The following E2F7 variants were observed in gnomAD, a reference collection of about 807,000 sequenced individuals.
E2F7 encodes E2F transcription factor 7, also known as transcription factor E2F7.
In E2F7, 35 loss-of-function variants were observed where a neutral mutation model predicts 81.1. The observed-to-expected ratio is 0.43, with a 90% CI of 0.33 to 0.57. The LOEUF (loss-of-function observed/expected upper bound fraction) is 0.57, where lower values mean the gene tolerates loss of function less well. Ranked by LOEUF, E2F7 falls within the 20% of genes least tolerant of loss-of-function variation. The pLI is 0.04. For synonymous variants in E2F7, 416 were observed against 416.2 expected, an observed-to-expected ratio of 1.00 and a Z score of 0.01; for missense variants, 961 against 1,093.7, an observed-to-expected ratio of 0.88 and a Z score of 1.71.
At chr12:77,032,985 A>G (rs1954818154) in intron 9 of E2F7, 65 bp downstream of exon 9, 4 of 1,503,566 alleles carry the variant, frequency 2.7e-6, no homozygotes, top group Non-Finnish European at 3.6e-6. Flanking sequence ...TGGCACTGCA[A>G]TTTAGTCAAA....
Position 77,024,071 on chromosome 12 carries a change from G to A in E2F7, c.2680C>T (p.Arg894Ter). ...CTCCTCTGGGCCGAGCTGGTGTTTC[G>A]TGACTGGTTCCTTTCTCTTCTCTTC... ...VLKRRERNQS[R>*]NTSSAQRRLE... Residue 894 changes from arginine to a stop codon, truncating the protein, a stop_gained, in exon 13 of 13, where the codon CGA (arginine) becomes TGA (stop). Coordinates refer to ENST00000322886, the MANE Select transcript of E2F7 (RefSeq NM_203394.3). LOFTEE classifies it high-confidence loss of function. 6.2e-7 allele frequency: 1 copy of A among 1,614,016 alleles called. No individual in the cohort carries two copies. Among genetic ancestry groups the A allele is most frequent in the Non-Finnish European group, 8.5e-7 (1 of 1,179,996 alleles).
chr12:77,029,996 C>T lies in E2F7; in HGVS notation c.1719G>A (p.Arg573=), dbSNP rs1762425797. 1 of 1,614,120 alleles carries T rather than the reference C, an allele frequency of 6.2e-7. No individual in the cohort carries two copies. Residue 573 remains arginine (R), a synonymous_variant, in exon 10 of 13, where the codon AGG becomes AGA. Coordinates refer to ENST00000322886, the MANE Select transcript of E2F7 (RefSeq NM_203394.3). ...CTGGGGCTTCTGAGCTTCTGTCATC[C>T]CTCTCTGACCCTGACCCTGACGCTG... is the stretch of plus-strand genomic sequence containing the variant. ...EGPASGSGSE[R]DDRSSEAPAT...
intron 7 of E2F7, among the ~76,000 whole-genome samples, chr12:77,035,993 A>AGAAACAGTAC (rs59970691): frequency 6.6e-6 from 1 of 151,098 alleles, no homozygotes; most frequent in African/African-American, 2.4e-5. Flanking sequence ...ATAAATGAAT[A>AGAAACAGTAC]AATAAATGAA....
intron 6 of E2F7, chr12:77,044,242 T>C (rs1385367546): frequency 2.2e-6 from 1 of 456,770 alleles, no homozygotes; most frequent in Non-Finnish European, 4.4e-6. Context: ...CTTCTGGTTC[T>C]TACCTGTAGA....
At chr12:77,046,677 AAC>A (rs1491220665) in intron 4 of E2F7, among the ~76,000 whole-genome samples, 14 of 152,242 alleles carry the variant, frequency 9.2e-5, no homozygotes, top group African/African-American at 3.1e-4. Flanking sequence ...CAATACATGT[AAC>A]AGTGTGCCTA....
intron 2 of E2F7, among the ~76,000 whole-genome samples, chr12:77,057,206 T>C (rs998373996): frequency 1.3e-5 from 2 of 151,568 alleles, no homozygotes; most frequent in Non-Finnish European, 2.9e-5. Flanking sequence ...GTGGTGTGCA[T>C]ACTACAGTGG....
chr12:77,058,939 G>A (rs1169005154), intron 2 of E2F7, among the ~76,000 whole-genome samples: 1 of 152,114 alleles, frequency 6.6e-6, no homozygotes, highest in African/African-American at 2.4e-5. Context: ...CGCAATTTTT[G>A]GCACAATGCG....
intron 5 of E2F7, 78 bp from the exon 6 acceptor site, chr12:77,044,873 G>C (rs1954925877): frequency 1.3e-6 from 2 of 1,507,752 alleles, no homozygotes; most frequent in Admixed American, 3.8e-5. Context: ...TTGCCAAAAT[G>C]ATCTAGCCCT....
chr12:77,043,049 AACCACG>A lies in E2F7; in HGVS notation c.1123+10_1123+15del, dbSNP rs754476724. 1.2e-6 allele frequency: 2 copies of A among 1,613,870 alleles called. No individual in the cohort carries two copies. Among genetic ancestry groups the A allele is most frequent in the South Asian group, 1.1e-5 (1 of 91,072 alleles). ...TCTAAATAAAACAGCCTGCTAGCAAAACCACGCCACCTTACCACTTGAGCTGAAGTC... is the reference window on the plus strand; with the variant it reads ...TCTAAATAAAACAGCCTGCTAGCAAACCACCTTACCACTTGAGCTGAAGTC... On this transcript the variant is annotated intron_variant, in intron 7 of 12. Coordinates refer to ENST00000322886, the MANE Select transcript of E2F7 (RefSeq NM_203394.3).
At chr12:77,032,665 T>A (rs959894406) in intron 9 of E2F7, among the ~76,000 whole-genome samples, 4 of 152,174 alleles carry the variant, frequency 2.6e-5, no homozygotes, top group Non-Finnish European at 5.9e-5. Flanking sequence ...GCTCTTATGA[T>A]CAGATGAGTC....
At chr12:77,033,749 G>A in intron 8 of E2F7, 108 bp downstream of exon 8, 1 of 1,169,126 alleles carries the variant, frequency 8.6e-7, no homozygotes, top group Non-Finnish European at 1.2e-6. Context: ...AAACAGCCAG[G>A]GCTGAGAGTC....
chr12:77,036,707 A>G (rs1451944966), intron 7 of E2F7, among the ~76,000 whole-genome samples: 3 of 150,960 alleles, frequency 2.0e-5, no homozygotes, highest in Non-Finnish European at 4.4e-5. Flanking sequence ...GACTACAGGC[A>G]TGGGCGATAC....
At chr12:77,048,458 C>T (rs1277645504) in intron 4 of E2F7, among the ~76,000 whole-genome samples, 1 of 152,164 alleles carries the variant, frequency 6.6e-6, no homozygotes, top group East Asian at 1.9e-4. Context: ...GCTATTAAGT[C>T]ACTTCCAGTT....
chr12:77,044,604 T>C, intron 6 of E2F7, 33 bp downstream of exon 6: 2 of 1,608,010 alleles, frequency 1.2e-6, no homozygotes, highest in East Asian at 2.2e-5. Context: ...ACCCTTTATG[T>C]GCTAGTAAGT....
chr12:77,046,030 G>A lies in E2F7; in HGVS notation c.829+8C>T. 6.2e-7 allele frequency: 1 copy of A among 1,610,752 alleles called. No homozygotes were observed. The highest frequency in any genetic ancestry group is 8.5e-7 in the Non-Finnish European group (1 of 1,178,132). Reference sequence around the variant, plus strand: ...CTGCCATTACTCATGAAGTTACAATGGACTCACAAGAGGGACAGTCGGGTT... The same window carrying A: ...CTGCCATTACTCATGAAGTTACAATAGACTCACAAGAGGGACAGTCGGGTT... On this transcript the variant is annotated splice_region_variant and intron_variant, in intron 5 of 12. Coordinates refer to ENST00000322886, the MANE Select transcript of E2F7 (RefSeq NM_203394.3).
intron 7 of E2F7, among the ~76,000 whole-genome samples, chr12:77,041,798 A>T (rs1954896976): frequency 6.6e-6 from 1 of 152,250 alleles, no homozygotes; most frequent in Admixed American, 6.5e-5. Context: ...TTTCAAATGT[A>T]TGCTAACTAT....
rs905042373 is a variant in E2F7 at position 77,023,888 on chromosome 12, G to A, written c.*127C>T. ...ATCAGATGATTGATGGTGGTGGGAA[G>A]TTAACAGAAGTGTGGATGAAAGAGA... On this transcript the variant is annotated 3_prime_UTR_variant, in exon 13 of 13. Transcript: ENST00000322886. 14 of 1,144,356 alleles carry A rather than the reference G, an allele frequency of 1.2e-5. No homozygotes were observed. In the African/African-American group the frequency reaches 1.2e-4, roughly 10 times the overall value. The allele number at this position is 1,144,356 out of a possible 1,614,324, so 70.9% of individuals were successfully genotyped here.
At chr12:77,037,637 C>A (rs1233441445) in intron 7 of E2F7, among the ~76,000 whole-genome samples, 1 of 152,014 alleles carries the variant, frequency 6.6e-6, no homozygotes, top group Non-Finnish European at 1.5e-5. Context: ...CTAAAGGAAC[C>A]ATTAACATAA....
chr12:77,037,169 T>C (rs970623050), intron 7 of E2F7, among the ~76,000 whole-genome samples: 19 of 152,286 alleles, frequency 1.2e-4, no homozygotes, highest in Middle Eastern at 3.4e-3. Flanking sequence ...AAAAGAAATG[T>C]TAAAGTTCAT....
Sources: allele counts gnomAD v4.1 joint callset (sites outside exome capture counted in the v4.1 genomes callset), GRCh38; gene constraint gnomAD v4.1.1; transcripts MANE v1.5; gene names NCBI Gene and HGNC (gene_info 2026-07-23, HGNC 2026-07-21).